ZC3H4: variants seen among roughly 807,000 people sequenced by gnomAD.
ZC3H4 encodes the protein zinc finger CCCH domain-containing protein 4.
ZC3H4 carries 13 observed loss-of-function variants against 108.3 expected under a neutral mutation model. The ratio of observed to expected loss-of-function variants is 0.12; its 90% CI spans 0.08 to 0.19. The LOEUF (loss-of-function observed/expected upper bound fraction) is 0.19, where lower values mean the gene tolerates loss of function less well. Among genes scored for constraint, ZC3H4 ranks in the 10% least tolerant of loss-of-function variants. The pLI, the probability that ZC3H4 is intolerant of heterozygous loss-of-function variation, is 1.00. For missense variants in ZC3H4, 1,734 were observed against 1,838.8 expected, an observed-to-expected ratio of 0.94 and a Z score of 1.04; for synonymous variants, 917 against 749.6, an observed-to-expected ratio of 1.22 and a Z score of -3.65.
At chr19:47,100,415 A>G (rs1035671619) in intron 2 of ZC3H4, among the ~76,000 whole-genome samples, 5 of 152,094 alleles carry the variant, frequency 3.3e-5, no homozygotes, top group Non-Finnish European at 7.4e-5. Context: ...GCTCTGTGAC[A>G]TCATGCCATT....
At chr19:47,069,015 C>A (rs2057273454) in intron 14 of ZC3H4, 77 bp downstream of exon 14, 47 of 1,589,374 alleles carry the variant, frequency 3.0e-5, no homozygotes, top group Non-Finnish European at 3.9e-5. Flanking sequence ...GAAACCCAAC[C>A]TGGAACACCC....
chr19:47,066,584 G>A lies in ZC3H4; in HGVS notation c.3684C>T (p.Ala1228=), dbSNP rs770577279. 23 of 1,595,406 alleles carry A rather than the reference G, an allele frequency of 1.4e-5. No individual in the cohort carries two copies. Among genetic ancestry groups the A allele is most frequent in the Non-Finnish European group, 1.8e-5 (21 of 1,170,414 alleles). ...GTGGGGTGGCGGTGGTGGCAGCGGG[G>A]GCTGCAGCAGCCTTGGGCCGGGGCC... The part of the protein sequence containing the change: ...YNRPRPKAAA[A]PAATTATPPP... Residue 1228 remains alanine (A), a synonymous_variant, in exon 15 of 15, where the codon GCC becomes GCT. Transcript: ENST00000253048.
intron 2 of ZC3H4, among the ~76,000 whole-genome samples, chr19:47,107,181 T>C (rs895591045): frequency 6.6e-6 from 1 of 152,202 alleles, no homozygotes; most frequent in African/African-American, 2.4e-5. Flanking sequence ...TTAAATAAGC[T>C]GACCAGAACC....
intron 1 of ZC3H4, chr19:47,113,348 C>G (rs1320551122): frequency 6.5e-6 from 1 of 153,324 alleles, no homozygotes; most frequent in Admixed American, 6.5e-5. Context: ...CCAGAAAGAG[C>G]TGAAGGTGGT....
Position 47,079,103 on chromosome 19 carries a change from C to G in ZC3H4, c.1440+2410G>C, listed in dbSNP as rs183921324. ...GGAGTGCAATGGCACGATCTCAGCT[C>G]ACCGCAACCACCGCCTCCCGGGTTC... On this transcript the variant is annotated intron_variant, in intron 11 of 14. Transcript: ENST00000253048. 0.016 allele frequency among the ~76,000 whole-genome samples: 2,436 copies of G among 149,166 alleles called. 138 individuals are homozygous for G. The East Asian group carries it at 0.2, about 12-fold the overall frequency.
chr19:47,098,678 C>T (rs1261330129), intron 2 of ZC3H4, among the ~76,000 whole-genome samples: 1 of 151,158 alleles, frequency 6.6e-6, no homozygotes, highest in Non-Finnish European at 1.5e-5. Flanking sequence ...GTAGGAGAAT[C>T]GCTTGAACCT....
At chr19:47,112,352 C>T (rs912634114) in intron 2 of ZC3H4, 72 bp downstream of exon 2, 12 of 1,218,988 alleles carry the variant, frequency 9.8e-6, no homozygotes, top group African/African-American at 3.1e-5. Flanking sequence ...CCCAACATGG[C>T]GGCCGCCCCC....
intron 14 of ZC3H4, among the ~76,000 whole-genome samples, chr19:47,068,270 C>T (rs1328626455): frequency 1.3e-5 from 2 of 152,244 alleles, no homozygotes; most frequent in African/African-American, 2.4e-5. Flanking sequence ...CGCCCACCTC[C>T]GGGCTGGTTC....
Position 47,072,158 on chromosome 19 carries a change from C to T in ZC3H4, c.1803-37G>A. The T allele has an allele frequency of 3.4e-6, 5 of 1,486,200 alleles. No individual in the cohort carries two copies. Among genetic ancestry groups the T allele is most frequent in the Non-Finnish European group, 4.5e-6 (5 of 1,118,646 alleles). 92.1% of individuals were successfully genotyped at this position (1,486,200 alleles called of 1,614,324 possible). On this transcript the variant is annotated intron_variant, in intron 12 of 14. Transcript: ENST00000253048. This position sits in a 1 kb window ranked among gnomAD's most constrained non-coding sequence, Gnocchi z 5.6. The stretch of plus-strand genomic sequence containing the variant: ...AAAAGGTGCCTGTGACGGAAGCTGC[C>T]GAGGAGGGCAGTGGCCACACCCCAG...
chr19:47,065,547 C>A lies in ZC3H4; in HGVS notation c.*809G>T, dbSNP rs570289703. 6.5e-6 allele frequency: 1 copy of A among 152,840 alleles called. No individual in the cohort carries two copies. The highest frequency in any genetic ancestry group is 2.4e-5 in the African/African-American group (1 of 41,542). 9.5% of individuals were successfully genotyped at this position (152,840 alleles called of 1,614,324 possible). ...ACCTGATAGGACAGGTGGGGTAATACTGACAGAACGTGCGTGCTCCTAGGG... is the reference window on the plus strand; with the variant it reads ...ACCTGATAGGACAGGTGGGGTAATAATGACAGAACGTGCGTGCTCCTAGGG... On this transcript the variant is annotated 3_prime_UTR_variant, in exon 15 of 15. Transcript: ENST00000253048.
Position 47,085,050 on chromosome 19 carries a change from A to G in ZC3H4, c.1107+6T>C. 1 of 1,614,060 alleles carries G rather than the reference A, an allele frequency of 6.2e-7. No individual in the cohort carries two copies. Among genetic ancestry groups the G allele is most frequent in the Non-Finnish European group, 8.5e-7 (1 of 1,179,986 alleles). The stretch of plus-strand genomic sequence containing the variant: ...CAAACATCAGATCAGAGTGGAGTCA[A>G]CTCACGCCCATGTCCTCGTCATAGA... On this transcript the variant is annotated splice_donor_region_variant and intron_variant, in intron 8 of 14. Coordinates refer to ENST00000253048, the MANE Select transcript of ZC3H4 (RefSeq NM_015168.2).
At chr19:47,068,286 C>T (rs1386044251) in intron 14 of ZC3H4, among the ~76,000 whole-genome samples, 1 of 152,234 alleles carries the variant, frequency 6.6e-6, no homozygotes, top group African/African-American at 2.4e-5. Flanking sequence ...GGTTCAGCCC[C>T]CACTGTGGCA....
chr19:47,110,694 C>T (rs2058027458), intron 2 of ZC3H4, among the ~76,000 whole-genome samples: 1 of 152,138 alleles, frequency 6.6e-6, no homozygotes, highest in Admixed American at 6.6e-5. Context: ...CCTTAGAGGT[C>T]GAATAAAGCG....
Position 47,066,437 on chromosome 19 carries a change from G to T in ZC3H4, c.3831C>A (p.Ala1277=), listed in dbSNP as rs1232447026. ...ATGCCGCATCCTGCTCACCCTCGCG[G>T]GCCGGACTGTTCCCAGCAAATGGGC... ...SGSPFAGNSP[A]REGEQDAASL... Residue 1277 remains alanine, a synonymous_variant, in exon 15 of 15, where the codon GCC becomes GCA. Transcript: ENST00000253048. 1 of 1,575,280 alleles carries T rather than the reference G, an allele frequency of 6.3e-7. No homozygotes were observed.
chr19:47,089,856 A>G (rs1027558247), intron 5 of ZC3H4, 111 bp downstream of exon 5: 16 of 1,105,040 alleles, frequency 1.4e-5, no homozygotes, highest in Non-Finnish European at 2.1e-5. Context: ...TTCTTTGTAC[A>G]CTTATCCCAA....
At chr19:47,094,240 C>A in intron 3 of ZC3H4, 149 bp downstream of exon 3, 1 of 1,104,998 alleles carries the variant, frequency 9.0e-7, no homozygotes, top group Non-Finnish European at 1.3e-6. Context: ...CATAAGCTAC[C>A]AACTCTTTTA....
At chr19:47,110,244 T>C (rs745716205) in intron 2 of ZC3H4, among the ~76,000 whole-genome samples, 4 of 152,116 alleles carry the variant, frequency 2.6e-5, no homozygotes, top group Non-Finnish European at 5.9e-5. Flanking sequence ...TTAATTTGAA[T>C]ACCTGCATCA....
intron 7 of ZC3H4, 42 bp from the exon 8 acceptor site, chr19:47,085,237 TCCCCCACCCCCA>T (rs753373198): frequency 1.2e-6 from 1 of 813,274 alleles, no homozygotes; most frequent in Non-Finnish European, 1.8e-6. Context: ...GACCACCCCC[TCCCCCACCCCCA>T]GGACTAGATT....
rs759313698 is a variant in ZC3H4 at position 47,066,599 on chromosome 19, G to A, written c.3669C>T (p.Pro1223=). 6.2e-7 allele frequency: 1 copy of A among 1,603,862 alleles called. No individual in the cohort carries two copies. Among genetic ancestry groups the A allele is most frequent in the Admixed American group, 1.7e-5 (1 of 59,480 alleles). ...DRYNSYNRPR[P]KAAAAPAATT... is the part of the protein sequence containing the mutation. ...TGGCAGCGGGGGCTGCAGCAGCCTT[G>A]GGCCGGGGCCGGTTGTAGCTGTTGT... The change falls in exon 15 of 15, where the codon CCC becomes CCT. Residue 1223 remains proline (P), a synonymous_variant. Coordinates refer to ENST00000253048, the MANE Select transcript of ZC3H4 (RefSeq NM_015168.2).
Sources: gnomAD v4.1 joint callset for allele counts (sites outside exome capture counted in the v4.1 genomes callset) on GRCh38, gnomAD v4.1.1 for gene constraint, Gnocchi (gnomAD v3.1) non-coding constraint, MANE v1.5 for transcripts, NCBI Gene and HGNC (gene_info 2026-07-23, HGNC 2026-07-21) for gene names.